SPAG17: variants seen among roughly 807,000 people sequenced by gnomAD.
SPAG17 encodes sperm associated antigen 17, also known as sperm-associated antigen 17.
SPAG17 carries 169 observed loss-of-function variants against 273.6 expected under a neutral mutation model. That is an observed-to-expected ratio of 0.62 (90% CI 0.55 to 0.70). The LOEUF (loss-of-function observed/expected upper bound fraction) is 0.70, where lower values mean the gene tolerates loss of function less well. Ranked by LOEUF, SPAG17 falls within the 30% of genes least tolerant of loss-of-function variation. SPAG17 has a pLI of 0.00. For missense variants in SPAG17, 2,557 were observed against 2,627.8 expected (o/e 0.97, Z 0.59); for synonymous variants, 825 against 873.2 (o/e 0.94, Z 0.97).
At chr1:118,161,996 C>T (rs146128748) in intron 1 of SPAG17, among the ~76,000 whole-genome samples, 160 of 152,212 alleles carry the variant, frequency 1.1e-3, no homozygotes, top group African/African-American at 3.7e-3. Flanking sequence ...AAACTGCTTC[C>T]CACTCATTCC....
chr1:118,007,946 G>A lies in SPAG17; in HGVS notation c.4587+98C>T, dbSNP rs73014084. On this transcript the variant is annotated intron_variant, in intron 31 of 48. Coordinates refer to ENST00000336338, the MANE Select transcript of SPAG17 (RefSeq NM_206996.4). ...TTATAAGAGAATGAAAGCAACAGCA[G>A]TGTACATTGCAGGCATTTTTACTGC... is the stretch of plus-strand genomic sequence containing the variant. 6.6e-3 allele frequency: 8,400 copies of A among 1,275,702 alleles called. 419 individuals are homozygous for A. In the African/African-American group the frequency reaches 0.11, roughly 17 times the overall value. 79.0% of individuals were successfully genotyped at this position (1,275,702 alleles called of 1,614,324 possible). A position where few individuals can be genotyped will look rare whatever the true frequency, so the allele number is the denominator to read the frequency against.
At chr1:118,002,355 T>G (rs1319726957) in intron 32 of SPAG17, among the ~76,000 whole-genome samples, 2 of 152,192 alleles carry the variant, frequency 1.3e-5, no homozygotes, top group Non-Finnish European at 2.9e-5. Flanking sequence ...GGTGCAGAAC[T>G]GAGTTCAAGT....
At chr1:118,086,313 A>G (rs1558002210) in intron 12 of SPAG17, among the ~76,000 whole-genome samples, 1 of 152,208 alleles carries the variant, frequency 6.6e-6, no homozygotes. Flanking sequence ...ACAAACTGCC[A>G]AAGTCTCATA....
At chr1:117,996,560 T>C in intron 33 of SPAG17, 38 bp downstream of exon 33, 1 of 1,602,480 alleles carries the variant, frequency 6.2e-7, no homozygotes, top group Non-Finnish European at 8.5e-7. Context: ...CTCCTTGAAC[T>C]CAGAATTAAA....
At chr1:118,179,412 CT>C (rs1248767505) in intron 1 of SPAG17, among the ~76,000 whole-genome samples, 2 of 152,004 alleles carry the variant, frequency 1.3e-5, no homozygotes, top group Admixed American at 6.6e-5. Flanking sequence ...AACTAGACCC[CT>C]GTCTCTCTCC....
At chr1:118,043,470 A>T (rs1451844796) in intron 20 of SPAG17, among the ~76,000 whole-genome samples, 5 of 152,214 alleles carry the variant, frequency 3.3e-5, no homozygotes, top group Non-Finnish European at 7.4e-5. Flanking sequence ...AAAGGCAATA[A>T]AGACTCAAAA....
chr1:118,061,884 C>T (rs1027988015), intron 18 of SPAG17, among the ~76,000 whole-genome samples: 3 of 151,620 alleles, frequency 2.0e-5, no homozygotes, highest in South Asian at 2.1e-4. Flanking sequence ...AAATGGAACT[C>T]GAACAAAGTA....
At chr1:117,994,843 T>C (rs1036755432) in intron 34 of SPAG17, among the ~76,000 whole-genome samples, 3 of 152,098 alleles carry the variant, frequency 2.0e-5, no homozygotes, top group Admixed American at 2.0e-4. Context: ...TCCCTCTCTG[T>C]GAACCCTACT....
At chr1:118,107,677 G>T (rs1656488149) in intron 4 of SPAG17, among the ~76,000 whole-genome samples, 1 of 151,618 alleles carries the variant, frequency 6.6e-6, no homozygotes, top group Admixed American at 6.6e-5. Context: ...TTTTTAAAGA[G>T]GACCCTTATA....
Position 117,981,269 on chromosome 1 carries a change from C to A in SPAG17, c.6004+1G>T. 1 of 1,560,548 alleles carries A rather than the reference C, an allele frequency of 6.4e-7. No individual in the cohort carries two copies. Among genetic ancestry groups the A allele is most frequent in the Non-Finnish European group, 8.6e-7 (1 of 1,163,774 alleles). ...CAATAAGATAAAAAAGACTGCCATA[C>A]CTTCAGGAGATTTTGTTAAATTTTC... On this transcript the variant is annotated splice_donor_variant, in intron 43 of 48. Transcript: ENST00000336338. LOFTEE classifies it high-confidence loss of function.
intron 35 of SPAG17, among the ~76,000 whole-genome samples, chr1:117,992,906 A>G (rs1326045183): frequency 6.6e-6 from 1 of 152,154 alleles, no homozygotes; most frequent in Non-Finnish European, 1.5e-5. Context: ...CCTGGGTAGG[A>G]TGTAGAAGAG....
Position 118,055,821 on chromosome 1 carries a change from G to A in SPAG17, c.2634C>T (p.Ile878=). ...YQESKMNEKI[I]RTRAELELKS... ...TCAATTCCAGCTCAGCTCTGGTCCT[G>A]ATGATTTTCTCATTCATTTTAGATT... is the stretch of plus-strand genomic sequence containing the variant. The change falls in exon 19 of 49, where the codon ATC becomes ATT. Residue 878 remains isoleucine (I), a synonymous_variant. Coordinates refer to ENST00000336338, the MANE Select transcript of SPAG17 (RefSeq NM_206996.4). 1 of 1,612,970 alleles carries A rather than the reference G, an allele frequency of 6.2e-7. No individual in the cohort carries two copies. Among genetic ancestry groups the A allele is most frequent in the South Asian group, 1.1e-5 (1 of 90,900 alleles).
chr1:118,133,800 T>C (rs776831729), intron 3 of SPAG17, among the ~76,000 whole-genome samples: 4 of 152,198 alleles, frequency 2.6e-5, no homozygotes, highest in Non-Finnish European at 5.9e-5. Context: ...TCACAGCACC[T>C]AATATCTGTT....
intron 34 of SPAG17, among the ~76,000 whole-genome samples, chr1:117,995,530 TG>T (rs1347431895): frequency 2.0e-5 from 3 of 152,064 alleles, no homozygotes; most frequent in Non-Finnish European, 2.9e-5. Context: ...CCACACTGAC[TG>T]GGGGTCAGTC....
intron 47 of SPAG17, 149 bp downstream of exon 47, chr1:117,966,460 G>A (rs1389732377): frequency 1.3e-6 from 1 of 754,328 alleles, no homozygotes; most frequent in East Asian, 2.9e-5. Context: ...TTTCAAAGAT[G>A]AATGAAGATG....
At chr1:118,024,750 T>C (rs1647531750) in intron 27 of SPAG17, among the ~76,000 whole-genome samples, 1 of 152,174 alleles carries the variant, frequency 6.6e-6, no homozygotes, top group Non-Finnish European at 1.5e-5. Context: ...CAGAGATCCA[T>C]GTGCAAAATG....
At chr1:117,982,981 G>T (rs1656004108) in intron 42 of SPAG17, among the ~76,000 whole-genome samples, 1 of 152,028 alleles carries the variant, frequency 6.6e-6, no homozygotes, top group Admixed American at 6.6e-5. Context: ...AGGATTTTTG[G>T]CAAGAATTCT....
At chr1:118,182,942 G>C (rs1661016083) in intron 1 of SPAG17, among the ~76,000 whole-genome samples, 1 of 152,186 alleles carries the variant, frequency 6.6e-6, no homozygotes, top group African/African-American at 2.4e-5. Context: ...CAACTAAAAT[G>C]TATGAAACAA....
At chr1:118,143,977 C>T (rs909947981) in intron 3 of SPAG17, among the ~76,000 whole-genome samples, 57 of 152,318 alleles carry the variant, frequency 3.7e-4, no homozygotes, top group African/African-American at 1.2e-3. Context: ...GCTGGATCCC[C>T]GGCTCCACTG....
Sources: allele counts gnomAD v4.1 joint callset (sites outside exome capture counted in the v4.1 genomes callset), GRCh38; gene constraint gnomAD v4.1.1; transcripts MANE v1.5; gene names NCBI Gene and HGNC (gene_info 2026-07-23, HGNC 2026-07-21).